The following ZNF423 variants were observed in gnomAD, a reference collection of about 807,000 sequenced individuals.
The protein encoded by ZNF423 is zinc finger protein 423.
Under a neutral mutation model 95.8 loss-of-function variants are expected in ZNF423, and 12 were observed. That is an observed-to-expected ratio of 0.13 (90% CI 0.08 to 0.20). ZNF423 has a LOEUF of 0.20. Among genes scored for constraint, ZNF423 ranks in the 10% least tolerant of loss-of-function variants. The probability of loss-of-function intolerance (pLI) is 1.00; values close to 1 mark genes in which losing one functional copy is unlikely to be tolerated. For synonymous variants in ZNF423, 749 were observed against 711.9 expected, an observed-to-expected ratio of 1.05 and a Z score of -0.83; for missense variants, 1,316 against 1,737.1, an observed-to-expected ratio of 0.76 and a Z score of 4.31.
At chr16:49,724,895 C>T (rs887726693) in intron 3 of ZNF423, among the ~76,000 whole-genome samples, 11 of 152,198 alleles carry the variant, frequency 7.2e-5, no homozygotes, top group Non-Finnish European at 1.2e-4. Context: ...TTTGCTGTTG[C>T]TATTTCAACA....
chr16:49,652,763 C>T (rs1324046922), intron 3 of ZNF423, among the ~76,000 whole-genome samples: 1 of 152,190 alleles, frequency 6.6e-6, no homozygotes, highest in Non-Finnish European at 1.5e-5. Context: ...TGTTCGTGGA[C>T]CTGGGACTGG....
At position 49,811,127 on chromosome 16, in the gene ZNF423, G is replaced by A. The variant is rs1051457861; in HGVS notation, c.41-21581C>T. Among the ~76,000 whole-genome samples, 9 of 152,132 alleles carry A rather than the reference G, an allele frequency of 5.9e-5. 1 individual carries two copies. The highest frequency in any genetic ancestry group is 1.9e-4 in the African/African-American group (8 of 41,428). On this transcript the variant is annotated intron_variant, in intron 1 of 7. Coordinates refer to ENST00000563137, the MANE Select transcript of ZNF423 (RefSeq NM_001379286.1). Reference sequence around the variant, plus strand: ...CTGTGTGGCCTCAAGGGGTCAAACCGGGACCAACCAGTGGAAGGCACTACA... The same window carrying A: ...CTGTGTGGCCTCAAGGGGTCAAACCAGGACCAACCAGTGGAAGGCACTACA...
intron 3 of ZNF423, among the ~76,000 whole-genome samples, chr16:49,727,877 A>AC (rs1448067096): frequency 6.6e-6 from 1 of 152,188 alleles, no homozygotes; most frequent in Non-Finnish European, 1.5e-5. Flanking sequence ...CTATCGAGTG[A>AC]CCAGTGGTGA....
At chr16:49,545,534 C>T (rs1969408800) in intron 5 of ZNF423, among the ~76,000 whole-genome samples, 1 of 152,238 alleles carries the variant, frequency 6.6e-6, no homozygotes, top group African/African-American at 2.4e-5. Context: ...TGACCCCCCA[C>T]TCTAACTGTT....
chr16:49,539,312 G>C (rs1969168718), intron 5 of ZNF423, among the ~76,000 whole-genome samples: 1 of 152,132 alleles, frequency 6.6e-6, no homozygotes, highest in Non-Finnish European at 1.5e-5. Flanking sequence ...TGACGCGGTG[G>C]GGCTGCATCT....
At chr16:49,816,836 G>A (rs2034863545) in intron 1 of ZNF423, among the ~76,000 whole-genome samples, 1 of 152,092 alleles carries the variant, frequency 6.6e-6, no homozygotes, top group African/African-American at 2.4e-5. Context: ...GTCTAGAGGA[G>A]AGGCCTAAGC....
intron 7 of ZNF423, among the ~76,000 whole-genome samples, chr16:49,494,978 A>G (rs1967103502): frequency 6.6e-6 from 1 of 152,124 alleles, no homozygotes; most frequent in South Asian, 2.1e-4. Flanking sequence ...CCTTTAGAGA[A>G]GGAAGAAAAT....
intron 3 of ZNF423, among the ~76,000 whole-genome samples, chr16:49,726,996 T>C (rs2033036980): frequency 6.6e-6 from 1 of 151,968 alleles, no homozygotes; most frequent in African/African-American, 2.4e-5. Context: ...TGTGGCATCC[T>C]GTGGCCAGGG....
At chr16:49,783,862 C>T (rs529488763) in intron 2 of ZNF423, among the ~76,000 whole-genome samples, 9 of 150,978 alleles carry the variant, frequency 6.0e-5, no homozygotes, top group Non-Finnish European at 1.2e-4. Context: ...CCCAGCTACT[C>T]GGGAGGCTGA....
chr16:49,741,343 C>CA (rs892079846), intron 2 of ZNF423, among the ~76,000 whole-genome samples: 1 of 151,418 alleles, frequency 6.6e-6, no homozygotes, highest in Admixed American at 6.6e-5. Context: ...AAAAATGCCC[C>CA]AAAAAAATAA....
intron 3 of ZNF423, among the ~76,000 whole-genome samples, chr16:49,645,991 A>G (rs1973157006): frequency 1.3e-5 from 2 of 152,170 alleles, no homozygotes; most frequent in African/African-American, 4.8e-5. Flanking sequence ...TCCTTCATAA[A>G]TTACCCAGTC....
At chr16:49,658,411 T>G (rs1431716653) in intron 3 of ZNF423, among the ~76,000 whole-genome samples, 1 of 152,228 alleles carries the variant, frequency 6.6e-6, no homozygotes, top group Non-Finnish European at 1.5e-5. Flanking sequence ...AGGCGGCCCC[T>G]CTGAGGGCCC....
At chr16:49,677,329 AGGGGAGGGGAGGGG>A (rs2031142904) in intron 3 of ZNF423, among the ~76,000 whole-genome samples, 1 of 38,928 alleles carries the variant, frequency 2.6e-5, no homozygotes, top group Non-Finnish European at 4.5e-5. Context: ...AAGGGAGGGG[AGGGGAGGGGAGGGG>A]AGGAGGGGAG....
At chr16:49,530,747 G>A (rs1324709457) in intron 5 of ZNF423, among the ~76,000 whole-genome samples, 1 of 152,142 alleles carries the variant, frequency 6.6e-6, no homozygotes, top group Non-Finnish European at 1.5e-5. Context: ...AAGACTGAGG[G>A]CGTGGAGAGG....
chr16:49,657,754 G>T (rs541057621), intron 3 of ZNF423, among the ~76,000 whole-genome samples: 1 of 152,152 alleles, frequency 6.6e-6, no homozygotes, highest in Non-Finnish European at 1.5e-5. Flanking sequence ...GTGCCTCCTC[G>T]CCACATATGT....
intron 3 of ZNF423, among the ~76,000 whole-genome samples, chr16:49,688,616 C>T (rs147548734): frequency 6.6e-6 from 1 of 152,198 alleles, no homozygotes; most frequent in East Asian, 1.9e-4. Flanking sequence ...ACCAAAACAG[C>T]GGTACATTTC....
Position 49,673,040 on chromosome 16 carries a change from G to A in ZNF423, c.302-34166C>T, listed in dbSNP as rs547933428. Among the ~76,000 whole-genome samples, 8 of 152,170 alleles carry A rather than the reference G, an allele frequency of 5.3e-5. No homozygotes were observed. In the South Asian group the frequency reaches 1.0e-3, roughly 20 times the overall value. On this transcript the variant is annotated intron_variant, in intron 3 of 7. Coordinates refer to ENST00000563137, the MANE Select transcript of ZNF423 (RefSeq NM_001379286.1). ...TTGCTGGAGCCCAGGAGCCCAAGGC[G>A]GTCTCCCACCAGCAGGTGAGGCTCA...
chr16:49,596,514 T>C (rs1416825881), intron 5 of ZNF423, among the ~76,000 whole-genome samples: 1 of 152,216 alleles, frequency 6.6e-6, no homozygotes, highest in Non-Finnish European at 1.5e-5. Context: ...TTTTATAAAA[T>C]TGTTGCATAC....
At chr16:49,761,370 G>A (rs987673952) in intron 2 of ZNF423, among the ~76,000 whole-genome samples, 6 of 152,304 alleles carry the variant, frequency 3.9e-5, no homozygotes, top group Admixed American at 2.6e-4. Context: ...CCCATGCCAC[G>A]GCAGGGCCTT....
Sources: allele counts gnomAD v4.1 joint callset (sites outside exome capture counted in the v4.1 genomes callset), GRCh38; gene constraint gnomAD v4.1.1; transcripts MANE v1.5; gene names NCBI Gene and HGNC (gene_info 2026-07-23, HGNC 2026-07-21).